The following NCK1 variants were observed in gnomAD, a reference collection of about 807,000 sequenced individuals.
The protein encoded by NCK1 is SH2/SH3 adapter protein NCK1.
Under a neutral mutation model 36.6 loss-of-function variants are expected in NCK1, and 19 were observed. The ratio of observed to expected loss-of-function variants is 0.52; its 90% CI spans 0.36 to 0.76. NCK1 has a LOEUF of 0.76. NCK1 is among the 30% of genes least tolerant of loss of function. The pLI is 0.00. For synonymous variants in NCK1, 165 were observed against 156.0 expected, an observed-to-expected ratio of 1.06 and a Z score of -0.43; for missense variants, 358 against 445.6, an observed-to-expected ratio of 0.80 and a Z score of 1.77.
chr3:136,897,652 A>C (rs1482495139), intron 1 of NCK1, among the ~76,000 whole-genome samples: 1 of 152,038 alleles, frequency 6.6e-6, no homozygotes, highest in Non-Finnish European at 1.5e-5. Flanking sequence ...GTTCGCACAT[A>C]TTTTCTCCCA....
At chr3:136,897,874 T>A (rs1939430881) in intron 1 of NCK1, among the ~76,000 whole-genome samples, 1 of 152,200 alleles carries the variant, frequency 6.6e-6, no homozygotes, top group Non-Finnish European at 1.5e-5. Context: ...ATATAAAATA[T>A]TGATTACAAT....
chr3:136,891,879 G>A (rs533483360), intron 1 of NCK1, among the ~76,000 whole-genome samples: 5 of 152,172 alleles, frequency 3.3e-5, no homozygotes, highest in Admixed American at 2.6e-4. Context: ...CTCCATTTTT[G>A]TGTTGGATTT....
Position 136,951,528 on chromosome 3 carries a change from T to C in NCK1, c.*3075T>C, listed in dbSNP as rs1178445346. ...ACAATGAGCTGGAATCTAATATGGA[T>C]GGTCCTCTTATCTTTACCAGTGCAC... On this transcript the variant is annotated 3_prime_UTR_variant, in exon 4 of 4. Coordinates refer to ENST00000481752, the MANE Select transcript of NCK1 (RefSeq NM_001291999.2). Among the ~76,000 whole-genome samples the C allele has an allele frequency of 6.6e-6, 1 of 152,188 alleles. No homozygotes were observed. The highest frequency in any genetic ancestry group is 1.5e-5 in the Non-Finnish European group (1 of 68,016).
intron 1 of NCK1, among the ~76,000 whole-genome samples, chr3:136,919,651 A>G (rs745679283): frequency 1.3e-5 from 2 of 152,312 alleles, no homozygotes; most frequent in Non-Finnish European, 1.5e-5. Flanking sequence ...CTACTTTTAT[A>G]AATTCTATAG....
chr3:136,862,637 C>G (rs1314380805), intron 1 of NCK1, among the ~76,000 whole-genome samples: 1 of 80,716 alleles, frequency 1.2e-5, no homozygotes, highest in East Asian at 7.6e-4. Context: ...GCTGAGAGCC[C>G]GGGCGGCCGC....
intron 1 of NCK1, among the ~76,000 whole-genome samples, chr3:136,863,224 C>G (rs1042113778): frequency 6.6e-6 from 1 of 152,158 alleles, no homozygotes; most frequent in Admixed American, 6.5e-5. Context: ...TTCCTAACTC[C>G]TCTTTGGGTA....
intron 1 of NCK1, among the ~76,000 whole-genome samples, chr3:136,887,674 A>G (rs531575492): frequency 2.6e-5 from 4 of 152,218 alleles, no homozygotes; most frequent in Non-Finnish European, 4.4e-5. Context: ...ATGTTTCCAT[A>G]AAATTGGTGG....
chr3:136,946,531 C>T (rs1940831977), intron 3 of NCK1, among the ~76,000 whole-genome samples: 1 of 152,120 alleles, frequency 6.6e-6, no homozygotes, highest in African/African-American at 2.4e-5. Flanking sequence ...TTGTCTAGTT[C>T]TGTTGATTTT....
chr3:136,882,745 C>T (rs1187513215), intron 1 of NCK1, among the ~76,000 whole-genome samples: 2 of 152,168 alleles, frequency 1.3e-5, no homozygotes, highest in South Asian at 2.1e-4. Flanking sequence ...GCATATATCA[C>T]TTTTACCCAT....
intron 1 of NCK1, among the ~76,000 whole-genome samples, chr3:136,866,717 G>A (rs1446484179): frequency 6.6e-6 from 1 of 151,638 alleles, no homozygotes; most frequent in East Asian, 1.9e-4. Context: ...TGGTTCAAGT[G>A]ATTCTCCTGT....
chr3:136,915,303 G>A (rs533581518), intron 1 of NCK1, among the ~76,000 whole-genome samples: 84 of 152,302 alleles, frequency 5.5e-4, no homozygotes, highest in African/African-American at 1.9e-3. Context: ...GGGGGTTGAC[G>A]TAGTAGCATT....
intron 2 of NCK1, among the ~76,000 whole-genome samples, chr3:136,945,201 G>A (rs1402243085): frequency 6.6e-6 from 1 of 152,094 alleles, no homozygotes. Context: ...CTTAAACTAA[G>A]ACAAGAAGAG....
chr3:136,901,619 C>G (rs892366239), intron 1 of NCK1, among the ~76,000 whole-genome samples: 2 of 152,032 alleles, frequency 1.3e-5, no homozygotes, highest in Non-Finnish European at 2.9e-5. Flanking sequence ...TTGTATATGT[C>G]TATGTCTAGG....
intron 1 of NCK1, among the ~76,000 whole-genome samples, chr3:136,925,670 C>G (rs919057130): frequency 5.9e-5 from 9 of 152,122 alleles, no homozygotes; most frequent in African/African-American, 1.9e-4. Flanking sequence ...CCTGGAGATT[C>G]ATCCAGGTCG....
intron 2 of NCK1, among the ~76,000 whole-genome samples, chr3:136,937,298 C>G (rs919380810): frequency 6.6e-6 from 1 of 152,122 alleles, no homozygotes; most frequent in Non-Finnish European, 1.5e-5. Context: ...TTTTAGGACT[C>G]TCGATTCTAT....
intron 1 of NCK1, among the ~76,000 whole-genome samples, chr3:136,882,276 T>C (rs1310897886): frequency 1.3e-5 from 2 of 152,228 alleles, no homozygotes; most frequent in African/African-American, 4.8e-5. Flanking sequence ...CTAGTGATGA[T>C]GAGCATCTTT....
intron 1 of NCK1, among the ~76,000 whole-genome samples, chr3:136,902,026 ATC>A (rs1411304910): frequency 6.6e-6 from 1 of 151,980 alleles, no homozygotes; most frequent in Non-Finnish European, 1.5e-5. Context: ...TTTTTGCTGT[ATC>A]TCATAGATTT....
At chr3:136,862,829 G>A (rs563498819) in intron 1 of NCK1, among the ~76,000 whole-genome samples, 1 of 152,246 alleles carries the variant, frequency 6.6e-6, no homozygotes, top group Non-Finnish European at 1.5e-5. Context: ...GCGGTGCTGC[G>A]GGTGGACATC....
chr3:136,866,932 A>T (rs927191217), intron 1 of NCK1, among the ~76,000 whole-genome samples: 2 of 151,424 alleles, frequency 1.3e-5, no homozygotes, highest in African/African-American at 4.9e-5. Context: ...AGTCTTTAAA[A>T]TTTTTTTTTT....
Sources: allele counts gnomAD v4.1 joint callset (sites outside exome capture counted in the v4.1 genomes callset), GRCh38; gene constraint gnomAD v4.1.1; transcripts MANE v1.5; gene names NCBI Gene and HGNC (gene_info 2026-07-23, HGNC 2026-07-21).